RBFOX1: variants seen among roughly 807,000 people sequenced by gnomAD.
RBFOX1 encodes RNA binding fox-1 homolog 1.
In RBFOX1, 8 loss-of-function variants were observed where a neutral mutation model predicts 57.7. The ratio of observed to expected loss-of-function variants is 0.14; its 90% CI spans 0.08 to 0.25. The LOEUF is 0.25. Ranked by LOEUF, RBFOX1 falls within the 10% of genes least tolerant of loss-of-function variation. The pLI is 1.00. For synonymous variants in RBFOX1, 326 were observed against 222.4 expected, an observed-to-expected ratio of 1.47 and a Z score of -4.15; for missense variants, 611 against 548.5, an observed-to-expected ratio of 1.11 and a Z score of -1.14.
chr16:5,957,628 A>T (rs1278536625), intron 4 of RBFOX1, among the ~76,000 whole-genome samples: 1 of 152,206 alleles, frequency 6.6e-6, no homozygotes, highest in African/African-American at 2.4e-5. Flanking sequence ...CACTTGCATG[A>T]TGATGGGCAG....
chr16:5,937,321 C>T (rs1415879680), intron 4 of RBFOX1, among the ~76,000 whole-genome samples: 1 of 152,136 alleles, frequency 6.6e-6, no homozygotes. Flanking sequence ...AGTGAGAAGA[C>T]AGTATCCCTG....
chr16:7,336,570 G>C (rs1413900336), intron 4 of RBFOX1, among the ~76,000 whole-genome samples: 3 of 152,206 alleles, frequency 2.0e-5, no homozygotes, highest in Admixed American at 1.3e-4. Flanking sequence ...TGAACTGTGG[G>C]TTCACAATCT....
intron 2 of RBFOX1, among the ~76,000 whole-genome samples, chr16:5,556,687 C>G (rs919787414): frequency 5.9e-5 from 9 of 152,184 alleles, no homozygotes; most frequent in African/African-American, 2.2e-4. Flanking sequence ...CCATGTGATA[C>G]TCTTTGAAGC....
chr16:7,136,381 C>A (rs78261424), intron 4 of RBFOX1, among the ~76,000 whole-genome samples: 2,213 of 149,980 alleles, frequency 0.015, 29 homozygotes, highest in Middle Eastern at 0.032. Context: ...AGTAGAGATA[C>A]AGAACATCTC....
intron 1 of RBFOX1, among the ~76,000 whole-genome samples, chr16:6,076,105 C>G (rs1354560374): frequency 1.3e-5 from 2 of 152,116 alleles, no homozygotes. Flanking sequence ...TCAAAACCAG[C>G]CTGACCAACA....
intron 4 of RBFOX1, among the ~76,000 whole-genome samples, chr16:5,871,828 G>T (rs1249845523): frequency 6.6e-6 from 1 of 152,110 alleles, no homozygotes; most frequent in East Asian, 1.9e-4. Flanking sequence ...TCAGTGGAGG[G>T]CCTCAATTTT....
intron 1 of RBFOX1, among the ~76,000 whole-genome samples, chr16:6,061,470 T>A (rs1391081201): frequency 6.6e-6 from 1 of 151,944 alleles, no homozygotes; most frequent in African/African-American, 2.4e-5. Context: ...TATGTATACA[T>A]CTATTTTCAT....
chr16:5,839,968 A>G lies in RBFOX1; in HGVS notation c.319-27335A>G, dbSNP rs532864775. ...GAAGGTGAGTTGGAATGATTACTGG[A>G]CAAACATCTAACAGTGTCTGCCACA... On this transcript the variant is annotated intron_variant, in intron 3 of 19. Transcript: ENST00000641259. Among the ~76,000 whole-genome samples the G allele has an allele frequency of 5.9e-5, 9 of 152,312 alleles. No homozygotes were observed. In the South Asian group the frequency reaches 1.7e-3, roughly 28 times the overall value.
At chr16:5,996,692 C>A (rs2060496269) in intron 4 of RBFOX1, among the ~76,000 whole-genome samples, 1 of 152,034 alleles carries the variant, frequency 6.6e-6, no homozygotes, top group South Asian at 2.1e-4. Context: ...GTTAAAGGAC[C>A]TTCAGGTAGA....
chr16:7,195,655 T>C (rs1012240673), intron 4 of RBFOX1, among the ~76,000 whole-genome samples: 2 of 152,162 alleles, frequency 1.3e-5, no homozygotes, highest in Non-Finnish European at 2.9e-5. Flanking sequence ...CCTCCCAGGT[T>C]CAAGCGATAG....
intron 3 of RBFOX1, among the ~76,000 whole-genome samples, chr16:6,745,005 C>G (rs2073233936): frequency 6.6e-6 from 1 of 151,858 alleles, no homozygotes; most frequent in Non-Finnish European, 1.5e-5. Flanking sequence ...GGAGGCATCA[C>G]TACAGACTCT....
chr16:6,948,369 C>G (rs1248534527), intron 3 of RBFOX1, among the ~76,000 whole-genome samples: 8 of 138,778 alleles, frequency 5.8e-5, no homozygotes, highest in African/African-American at 2.1e-4. Context: ...TTTTCTTTCT[C>G]CCTTTCTTTT....
At chr16:7,176,151 G>T (rs1008976196) in intron 4 of RBFOX1, among the ~76,000 whole-genome samples, 1 of 150,516 alleles carries the variant, frequency 6.6e-6, no homozygotes, top group Non-Finnish European at 1.5e-5. Context: ...TACATGCTAG[G>T]TGTGTGATTT....
intron 5 of RBFOX1, among the ~76,000 whole-genome samples, chr16:7,521,162 C>T (rs2077434009): frequency 6.6e-6 from 1 of 152,156 alleles, no homozygotes; most frequent in South Asian, 2.1e-4. Flanking sequence ...GCAGCCCAGG[C>T]AGAGGGAATA....
At chr16:7,383,737 G>A (rs1015463217) in intron 4 of RBFOX1, among the ~76,000 whole-genome samples, 2 of 152,136 alleles carry the variant, frequency 1.3e-5, no homozygotes, top group African/African-American at 4.8e-5. Flanking sequence ...TCAGATCCAA[G>A]TTACATCATA....
chr16:7,431,878 C>G (rs760182682), intron 4 of RBFOX1, among the ~76,000 whole-genome samples: 1 of 152,190 alleles, frequency 6.6e-6, no homozygotes, highest in Non-Finnish European at 1.5e-5. Flanking sequence ...ATTAGAAAGA[C>G]CTTTCCCCCA....
intron 3 of RBFOX1, among the ~76,000 whole-genome samples, chr16:6,832,697 C>T (rs1403590615): frequency 6.6e-6 from 1 of 152,172 alleles, no homozygotes; most frequent in Non-Finnish European, 1.5e-5. Context: ...TAAGTTTCTC[C>T]ACTTGCCCTT....
At chr16:6,967,620 C>G (rs1292509871) in intron 3 of RBFOX1, among the ~76,000 whole-genome samples, 1 of 152,078 alleles carries the variant, frequency 6.6e-6, no homozygotes, top group East Asian at 1.9e-4. Flanking sequence ...GTACTCAGTA[C>G]ACTTCGCTGT....
chr16:6,119,930 C>G (rs927666714), intron 1 of RBFOX1, among the ~76,000 whole-genome samples: 3 of 152,222 alleles, frequency 2.0e-5, no homozygotes, highest in Non-Finnish European at 2.9e-5. Context: ...AGTAAGCAGT[C>G]ACTCTTATTC....
Sources: allele counts gnomAD v4.1 joint callset (sites outside exome capture counted in the v4.1 genomes callset), GRCh38; gene constraint gnomAD v4.1.1; transcripts MANE v1.5; gene names NCBI Gene and HGNC (gene_info 2026-07-23, HGNC 2026-07-21).